ZNF292: variants seen among roughly 807,000 people sequenced by gnomAD.
The protein encoded by ZNF292 is zinc finger protein 292.
ZNF292 carries 26 observed loss-of-function variants against 217.9 expected under a neutral mutation model. The observed-to-expected ratio is 0.12, with a 90% confidence interval of 0.09 to 0.17. ZNF292 has a LOEUF of 0.17. Ranked by LOEUF, ZNF292 falls within the 10% of genes least tolerant of loss-of-function variation. ZNF292 has a pLI of 1.00. For synonymous variants in ZNF292, 1,257 were observed against 1,124.1 expected, an observed-to-expected ratio of 1.12 and a Z score of -2.37; for missense variants, 2,904 against 3,175.2, an observed-to-expected ratio of 0.91 and a Z score of 2.05.
chr6:87,207,545 G>T (rs1772297107), intron 1 of ZNF292, among the ~76,000 whole-genome samples: 1 of 152,288 alleles, frequency 6.6e-6, no homozygotes, highest in Admixed American at 6.5e-5. Flanking sequence ...TATAAAAAAT[G>T]TGAAACATAT....
chr6:87,230,883 G>C (rs1180547914), intron 4 of ZNF292, among the ~76,000 whole-genome samples: 1 of 152,130 alleles, frequency 6.6e-6, no homozygotes, highest in Non-Finnish European at 1.5e-5. Flanking sequence ...AGTAAAGCCT[G>C]CTTTTCTGTT....
intron 1 of ZNF292, among the ~76,000 whole-genome samples, chr6:87,182,459 T>C (rs188499835): frequency 5.3e-4 from 81 of 152,266 alleles, no homozygotes; most frequent in Non-Finnish European, 8.4e-4. Context: ...AGTAGGAGGC[T>C]CGGGTAAAAG....
intron 4 of ZNF292, among the ~76,000 whole-genome samples, chr6:87,228,616 G>A (rs955747183): frequency 6.6e-6 from 1 of 152,106 alleles, no homozygotes; most frequent in Non-Finnish European, 1.5e-5. Context: ...TATGGTGCAG[G>A]AATAGGGTCC....
Position 87,209,104 on chromosome 6 carries a change from A to ACC in ZNF292, c.169-6792_169-6791dup, listed in dbSNP as rs5878022. On this transcript the variant is annotated intron_variant, in intron 1 of 7. Transcript: ENST00000369577. Reference sequence around the variant, plus strand: ...TTATCTCATTTTTAGCCCCACTTTCACCCCCCCCTCCCCATTTTCAGAGGC... The same window carrying ACC: ...TTATCTCATTTTTAGCCCCACTTTCACCCCCCCCCCTCCCCATTTTCAGAGGC... Among the ~76,000 whole-genome samples the ACC allele has an allele frequency of 3.0e-3, 415 of 137,086 alleles. 12 individuals carry two copies. The highest frequency in any genetic ancestry group is 7.3e-3 in the African/African-American group (245 of 33,448). The allele number at this position is 137,086 out of a possible 152,430, so 89.9% of individuals were successfully genotyped here.
intron 1 of ZNF292, among the ~76,000 whole-genome samples, chr6:87,169,233 G>A (rs1255981519): frequency 6.6e-6 from 1 of 151,878 alleles, no homozygotes; most frequent in Non-Finnish European, 1.5e-5. Context: ...TGAAGACGGG[G>A]TTTCACCACG....
chr6:87,176,436 C>T (rs890361737), intron 1 of ZNF292, among the ~76,000 whole-genome samples: 4 of 152,068 alleles, frequency 2.6e-5, no homozygotes, highest in African/African-American at 9.7e-5. Flanking sequence ...CAGGGAATAG[C>T]GAGGGCACCT....
chr6:87,220,262 GA>G (rs1175577798), intron 4 of ZNF292, among the ~76,000 whole-genome samples: 2 of 152,048 alleles, frequency 1.3e-5, no homozygotes, highest in African/African-American at 4.8e-5. Context: ...TCAGCTTTTA[GA>G]AATATTAGAT....
At chr6:87,239,041 C>G (rs1774059401) in intron 5 of ZNF292, among the ~76,000 whole-genome samples, 1 of 152,256 alleles carries the variant, frequency 6.6e-6, no homozygotes, top group Non-Finnish European at 1.5e-5. Flanking sequence ...AAGAATTTTT[C>G]TTAGTACGGA....
intron 1 of ZNF292, among the ~76,000 whole-genome samples, chr6:87,194,165 A>G (rs761589460): frequency 6.6e-6 from 1 of 152,188 alleles, no homozygotes; most frequent in Non-Finnish European, 1.5e-5. Context: ...TAGAACTTCT[A>G]AGTAAGTGTG....
intron 5 of ZNF292, among the ~76,000 whole-genome samples, chr6:87,237,880 C>T (rs574053639): frequency 6.6e-6 from 1 of 152,260 alleles, no homozygotes; most frequent in African/African-American, 2.4e-5. Context: ...CTGAATTTTG[C>T]TTCTTTGGAT....
chr6:87,237,807 A>G (rs1035954924), intron 5 of ZNF292, among the ~76,000 whole-genome samples: 6 of 152,168 alleles, frequency 3.9e-5, no homozygotes, highest in African/African-American at 1.2e-4. Context: ...TGGTATTTAA[A>G]TTTTTGCTCA....
At chr6:87,224,689 C>T (rs1486890004) in intron 4 of ZNF292, among the ~76,000 whole-genome samples, 2 of 152,096 alleles carry the variant, frequency 1.3e-5, no homozygotes, top group Admixed American at 1.3e-4. Flanking sequence ...AATAATATTC[C>T]ATTATATGGC....
In ZNF292 at chr6:87,256,337, A is replaced by G; in HGVS notation, c.2708A>G (p.Asp903Gly). ...GCAGAATCAGCTGTGACCAAACAAG[A>G]CCAGATTTCTGCCTCTGAGCTCAGG... ...SKAESAVTKQ[D>G]QISASELRQA... The change falls in exon 8 of 8, where the codon GAC (aspartate) becomes GGC (glycine). Residue 903 changes from aspartate to glycine, a missense_variant. Asp to Gly is a moderately conservative substitution (Grantham distance 94, BLOSUM62 -1). Coordinates refer to ENST00000369577, the MANE Select transcript of ZNF292 (RefSeq NM_015021.3). The G allele has an allele frequency of 6.2e-7, 1 of 1,612,566 alleles. No homozygotes were observed.
At chr6:87,204,964 T>G (rs1772203335) in intron 1 of ZNF292, among the ~76,000 whole-genome samples, 2 of 152,154 alleles carry the variant, frequency 1.3e-5, no homozygotes, top group Non-Finnish European at 2.9e-5. Context: ...AAGTTTATAG[T>G]ACCCTCAAAC....
At chr6:87,209,293 C>A (rs180967268) in intron 1 of ZNF292, among the ~76,000 whole-genome samples, 255 of 152,028 alleles carry the variant, frequency 1.7e-3, no homozygotes, top group African/African-American at 5.9e-3. Context: ...GATTTTATTT[C>A]TTTTTGTTCC....
chr6:87,240,388 A>AG (rs911099980), intron 5 of ZNF292, among the ~76,000 whole-genome samples: 1 of 70,134 alleles, frequency 1.4e-5, no homozygotes, highest in Admixed American at 1.9e-4. Flanking sequence ...GGGGAGGGGG[A>AG]GGGGGTTTTA....
intron 1 of ZNF292, among the ~76,000 whole-genome samples, chr6:87,186,182 A>G (rs1031751671): frequency 3.9e-5 from 6 of 152,128 alleles, no homozygotes; most frequent in Admixed American, 1.3e-4. Context: ...CCATCAGTCA[A>G]CTCATTAATA....
intron 1 of ZNF292, among the ~76,000 whole-genome samples, chr6:87,156,211 T>A (rs887006357): frequency 3.3e-4 from 50 of 152,230 alleles, no homozygotes; most frequent in African/African-American, 1.2e-3. Context: ...TGCCTTCCCC[T>A]GCTTTCATCC....
chr6:87,261,366 A>G lies in ZNF292; in HGVS notation c.7737A>G (p.Ala2579=), dbSNP rs960309388. ...VAIQTIEEHP[A]SFDWSSFKPM... is the part of the protein sequence containing the mutation. ...TTCAAACCATTGAGGAGCATCCTGC[A>G]TCTTTTGACTGGAGCTCTTTTAAGC... The change falls in exon 8 of 8, where the codon GCA becomes GCG. Residue 2579 remains alanine (A), a synonymous_variant. Transcript: ENST00000369577. 2.5e-6 allele frequency: 4 copies of G among 1,613,214 alleles called. No homozygotes were observed. Among genetic ancestry groups the G allele is most frequent in the African/African-American group, 2.7e-5 (2 of 74,898 alleles).
Sources: gnomAD v4.1 joint callset for allele counts (sites outside exome capture counted in the v4.1 genomes callset) on GRCh38, gnomAD v4.1.1 for gene constraint, MANE v1.5 for transcripts, NCBI Gene and HGNC (gene_info 2026-07-23, HGNC 2026-07-21) for gene names.